DPY19L1: variants seen among roughly 807,000 people sequenced by gnomAD.
DPY19L1 encodes dpy-19 like C-mannosyltransferase 1.
A neutral mutation model predicts 96.9 loss-of-function variants in DPY19L1; 35 were observed. The observed-to-expected ratio is 0.36, with a 90% confidence interval of 0.28 to 0.48. The LOEUF (loss-of-function observed/expected upper bound fraction) is 0.48, where lower values mean the gene tolerates loss of function less well. Among genes scored for constraint, DPY19L1 ranks in the 20% least tolerant of loss-of-function variants. DPY19L1 has a pLI of 0.99. For missense variants in DPY19L1, 521 were observed against 777.9 expected (o/e 0.67, Z 3.93); for synonymous variants, 205 against 252.6 (o/e 0.81, Z 1.79).
At chr7:34,980,499 A>G (rs368795918) in intron 7 of DPY19L1, among the ~76,000 whole-genome samples, 6 of 152,136 alleles carry the variant, frequency 3.9e-5, no homozygotes, top group African/African-American at 9.7e-5. Context: ...CAAAAAACGA[A>G]AAAAGAGGAA....
chr7:34,967,035 A>G, intron 9 of DPY19L1, 64 bp from the exon 10 acceptor site: 1 of 1,259,794 alleles, frequency 7.9e-7, no homozygotes, highest in Non-Finnish European at 1.1e-6. Context: ...AATGAAGAAT[A>G]TATTTACTGT....
chr7:34,973,896 G>A (rs1286326801), intron 7 of DPY19L1, among the ~76,000 whole-genome samples: 1 of 152,156 alleles, frequency 6.6e-6, no homozygotes, highest in Non-Finnish European at 1.5e-5. Flanking sequence ...GAAAGTACCA[G>A]CAAGAAAACG....
chr7:35,018,053 G>A lies in DPY19L1; in HGVS notation c.324-84C>T, dbSNP rs539893232. 3.7e-3 allele frequency: 3,624 copies of A among 967,160 alleles called. 10 individuals are homozygous for A. The highest frequency in any genetic ancestry group is 8.9e-3 in the Middle Eastern group (34 of 3,820). 59.9% of individuals were successfully genotyped at this position (967,160 alleles called of 1,614,324 possible). ...AAGTAAGCTAAAAGCAAAAATAAAA[G>A]TATCAGTTAACTTGCAGATAATTTT... is the stretch of plus-strand genomic sequence containing the variant. On this transcript the variant is annotated intron_variant, in intron 2 of 21. Transcript: ENST00000638088.
chr7:34,934,692 A>C (rs1362291120), intron 21 of DPY19L1, among the ~76,000 whole-genome samples: 1 of 152,200 alleles, frequency 6.6e-6, no homozygotes, highest in Non-Finnish European at 1.5e-5. Flanking sequence ...TTAGATTCTC[A>C]TAAGGAGCAC....
intron 1 of DPY19L1, among the ~76,000 whole-genome samples, chr7:35,021,330 C>T (rs1785990783): frequency 6.6e-6 from 1 of 152,138 alleles, no homozygotes; most frequent in African/African-American, 2.4e-5. Context: ...CTTAAAATAC[C>T]TTGCTTTCTC....
chr7:34,991,664 TA>T (rs1785171134), intron 6 of DPY19L1, among the ~76,000 whole-genome samples: 3 of 152,286 alleles, frequency 2.0e-5, no homozygotes, highest in East Asian at 3.9e-4. Flanking sequence ...TAGAAGTTTA[TA>T]GGGGAAAAAA....
At chr7:34,964,298 TTATAAC>T (rs1475781563) in intron 10 of DPY19L1, among the ~76,000 whole-genome samples, 2 of 152,186 alleles carry the variant, frequency 1.3e-5, no homozygotes, top group Non-Finnish European at 2.9e-5. Flanking sequence ...TTTTATAATT[TTATAAC>T]TATAACTTTG....
intron 3 of DPY19L1, among the ~76,000 whole-genome samples, chr7:35,015,242 CTATT>C (rs1201415112): frequency 6.6e-6 from 1 of 152,234 alleles, no homozygotes; most frequent in East Asian, 1.9e-4. Flanking sequence ...AAGGAATTAA[CTATT>C]TATCAACTTG....
chr7:34,951,384 G>C (rs1649224), intron 13 of DPY19L1, among the ~76,000 whole-genome samples: 38,436 of 151,796 alleles, frequency 0.25, 5,186 homozygotes, highest in Non-Finnish European at 0.31. Context: ...CACATACCAT[G>C]TAACAATAAA....
At chr7:35,028,637 G>A (rs943242013) in intron 1 of DPY19L1, among the ~76,000 whole-genome samples, 6 of 152,114 alleles carry the variant, frequency 3.9e-5, no homozygotes, top group African/African-American at 9.7e-5. Flanking sequence ...AAAGAATTCC[G>A]GGCGAGTCCA....
chr7:34,960,177 T>A (rs909573197), intron 10 of DPY19L1, among the ~76,000 whole-genome samples: 1 of 151,606 alleles, frequency 6.6e-6, no homozygotes, highest in Non-Finnish European at 1.5e-5. Context: ...TCAATTTCCA[T>A]GTGAATTTCA....
At chr7:35,018,040 A>G in intron 2 of DPY19L1, 71 bp from the exon 3 acceptor site, 1 of 1,143,858 alleles carries the variant, frequency 8.7e-7, no homozygotes, top group Non-Finnish European at 1.2e-6. Flanking sequence ...GTAAGCTAAA[A>G]GCAAAAATAA....
upstream of DPY19L1, chr7:35,037,711 C>A: frequency 1.6e-6 from 1 of 613,520 alleles, no homozygotes; most frequent in Non-Finnish European, 2.1e-6. Context: ...GCGGCCCCGC[C>A]CCCGCCGCCC....
At chr7:34,972,558 T>C (rs1562811975) in intron 8 of DPY19L1, among the ~76,000 whole-genome samples, 6 of 152,022 alleles carry the variant, frequency 3.9e-5, no homozygotes, top group African/African-American at 9.7e-5. Flanking sequence ...GTCAAGAATG[T>C]GAATGTGGAA....
chr7:34,944,365 C>CAAA (rs60937482), intron 16 of DPY19L1, among the ~76,000 whole-genome samples: 9 of 82,290 alleles, frequency 1.1e-4, no homozygotes, highest in South Asian at 4.8e-4. Context: ...GGCTCTGTCT[C>CAAA]AAAAAAAAAA....
chr7:34,949,430 C>T (rs1784224088), intron 14 of DPY19L1, among the ~76,000 whole-genome samples: 1 of 152,124 alleles, frequency 6.6e-6, no homozygotes, highest in Non-Finnish European at 1.5e-5. Flanking sequence ...AAAGCTTGGA[C>T]TTGATGTTTC....
At chr7:35,023,838 T>C (rs147157425) in intron 1 of DPY19L1, among the ~76,000 whole-genome samples, 18 of 96,324 alleles carry the variant, frequency 1.9e-4, no homozygotes, top group Middle Eastern at 8.9e-3. Context: ...CTTTTCTTTT[T>C]TTTTTTTTTT....
intron 16 of DPY19L1, among the ~76,000 whole-genome samples, chr7:34,944,165 C>A (rs1175857415): frequency 6.6e-6 from 1 of 151,876 alleles, no homozygotes; most frequent in African/African-American, 2.4e-5. Context: ...GAGTTCAAGA[C>A]CAGCCTGGCC....
At chr7:34,961,705 A>C (rs1192158064) in intron 10 of DPY19L1, among the ~76,000 whole-genome samples, 1 of 151,356 alleles carries the variant, frequency 6.6e-6, no homozygotes, top group Non-Finnish European at 1.5e-5. Context: ...GATTGAGAGA[A>C]GATATCTGCA....
Sources: gnomAD v4.1 joint callset for allele counts (sites outside exome capture counted in the v4.1 genomes callset) on GRCh38, gnomAD v4.1.1 for gene constraint, MANE v1.5 for transcripts, NCBI Gene and HGNC (gene_info 2026-07-23, HGNC 2026-07-21) for gene names.